VPS13B: variants seen among roughly 807,000 people sequenced by gnomAD.
VPS13B encodes vacuolar protein sorting 13 homolog B, also known as intermembrane lipid transfer protein VPS13B.
Under a neutral mutation model 426.4 loss-of-function variants are expected in VPS13B, and 285 were observed. That is an observed-to-expected ratio of 0.67 (90% CI 0.61 to 0.74). The LOEUF is 0.74. Ranked by LOEUF, VPS13B falls within the 30% of genes least tolerant of loss-of-function variation. The probability of loss-of-function intolerance (pLI) is 0.00; values close to 1 mark genes in which losing one functional copy is unlikely to be tolerated. For synonymous variants in VPS13B, 1,676 were observed against 1,676.4 expected (o/e 1.00, Z 0.01); for missense variants, 4,537 against 4,782.6 (o/e 0.95, Z 1.51).
At chr8:99,396,839 A>G (rs1269817428) in intron 21 of VPS13B, among the ~76,000 whole-genome samples, 2 of 152,200 alleles carry the variant, frequency 1.3e-5, no homozygotes, top group Admixed American at 6.5e-5. Flanking sequence ...TCAAAAGTGA[A>G]ACACTACTGT....
intron 19 of VPS13B, among the ~76,000 whole-genome samples, chr8:99,288,476 C>T (rs2133038830): frequency 6.6e-6 from 1 of 151,944 alleles, no homozygotes; most frequent in East Asian, 1.9e-4. Flanking sequence ...TCTTATATAA[C>T]CTTTAATAAT....
chr8:99,622,064 C>T (rs530892432), intron 33 of VPS13B, among the ~76,000 whole-genome samples: 1 of 151,834 alleles, frequency 6.6e-6, no homozygotes, highest in East Asian at 1.9e-4. Context: ...ACATTCATTC[C>T]ATTTTGTAAG....
At chr8:99,429,077 C>G (rs1563725489) in intron 21 of VPS13B, among the ~76,000 whole-genome samples, 1 of 152,002 alleles carries the variant, frequency 6.6e-6, no homozygotes, top group African/African-American at 2.4e-5. Context: ...GGGAATTGAA[C>G]AATGAGAACA....
intron 12 of VPS13B, among the ~76,000 whole-genome samples, chr8:99,140,169 A>AGCCTGGCCAACATGGTGAAACCC (rs1412512793): frequency 1.7e-4 from 26 of 152,048 alleles, no homozygotes; most frequent in Non-Finnish European, 3.1e-4. Context: ...GTTCGAGACC[A>AGCCTGGCCAACATGGTGAAACCC]GCCTGGCCAA....
chr8:99,214,966 TC>T lies in VPS13B; in HGVS notation c.2515+21910del, dbSNP rs570930142. On this transcript the variant is annotated intron_variant, in intron 17 of 61. Transcript: ENST00000357162. ...ACTCCATATTTCTGCAATGCCCATG[TC>T]TCTCTATTTAATCTATTTATATCAA... 3.6e-3 allele frequency among the ~76,000 whole-genome samples: 547 copies of T among 152,308 alleles called. 4 individuals carry two copies. Among genetic ancestry groups the T allele is most frequent in the South Asian group, 0.013 (62 of 4,830 alleles).
intron 25 of VPS13B, among the ~76,000 whole-genome samples, chr8:99,489,170 G>A (rs1350852336): frequency 6.6e-6 from 1 of 152,038 alleles, no homozygotes; most frequent in South Asian, 2.1e-4. Context: ...TTTTTGTCAG[G>A]TTTGTCAAAG....
intron 44 of VPS13B, among the ~76,000 whole-genome samples, chr8:99,813,647 A>G (rs1813856499): frequency 6.6e-6 from 1 of 152,238 alleles, no homozygotes; most frequent in Non-Finnish European, 1.5e-5. Flanking sequence ...TATGATGGCT[A>G]GAGTATCTAG....
intron 20 of VPS13B, among the ~76,000 whole-genome samples, chr8:99,387,591 C>A (rs1438207495): frequency 6.6e-6 from 1 of 152,052 alleles, no homozygotes. Context: ...TAAAAATATA[C>A]TTTAAAAAAT....
intron 3 of VPS13B, among the ~76,000 whole-genome samples, chr8:99,065,739 T>G (rs1436275522): frequency 1.3e-5 from 2 of 152,316 alleles, no homozygotes; most frequent in South Asian, 4.1e-4. Flanking sequence ...GATGACATGA[T>G]TGTATATTTA....
chr8:99,200,655 T>C (rs1814259715), intron 17 of VPS13B, among the ~76,000 whole-genome samples: 1 of 152,128 alleles, frequency 6.6e-6, no homozygotes. Flanking sequence ...GCTAATGATA[T>C]TGAGTATCTT....
At chr8:99,184,123 C>G (rs1329874772) in intron 16 of VPS13B, among the ~76,000 whole-genome samples, 1 of 152,116 alleles carries the variant, frequency 6.6e-6, no homozygotes, top group East Asian at 1.9e-4. Context: ...TATCCATTCA[C>G]CAGCTGATAG....
At chr8:99,445,354 CCATGGGAGGTTGAGGTGGGAGGATTG>C (rs1301645509) in intron 23 of VPS13B, among the ~76,000 whole-genome samples, 2 of 149,716 alleles carry the variant, frequency 1.3e-5, no homozygotes, top group Non-Finnish European at 3.0e-5. Flanking sequence ...AGTCCTAGCT[CCATGGGAGGTTGAGGTGGGAGGATTG>C]CTGGAGTCCA....
intron 56 of VPS13B, among the ~76,000 whole-genome samples, chr8:99,858,153 C>T (rs112324156): frequency 2.0e-3 from 301 of 152,350 alleles, no homozygotes; most frequent in African/African-American, 7.0e-3. Context: ...TTCCCATTAC[C>T]GGGCTCTGAG....
intron 23 of VPS13B, among the ~76,000 whole-genome samples, chr8:99,452,276 C>G (rs904115089): frequency 3.9e-5 from 6 of 152,186 alleles, no homozygotes; most frequent in African/African-American, 1.4e-4. Flanking sequence ...CTTTCTCCTT[C>G]TCCTCCTTCA....
At chr8:99,179,146 T>C (rs1186777955) in intron 16 of VPS13B, among the ~76,000 whole-genome samples, 1 of 152,202 alleles carries the variant, frequency 6.6e-6, no homozygotes, top group Non-Finnish European at 1.5e-5. Context: ...CCTATCATGT[T>C]AAAACTGTTG....
At chr8:99,467,752 C>A in intron 24 of VPS13B, 118 bp downstream of exon 24, 1 of 1,076,938 alleles carries the variant, frequency 9.3e-7, no homozygotes, top group South Asian at 1.3e-5. Flanking sequence ...TTTAACTTGG[C>A]CATCAAGATC....
intron 17 of VPS13B, among the ~76,000 whole-genome samples, chr8:99,203,906 A>C (rs1244735818): frequency 6.6e-6 from 1 of 152,242 alleles, no homozygotes; most frequent in East Asian, 1.9e-4. Context: ...GATAGGAAGA[A>C]TCAATATCGT....
chr8:99,413,342 G>A (rs932375981), intron 21 of VPS13B, among the ~76,000 whole-genome samples: 4 of 152,106 alleles, frequency 2.6e-5, no homozygotes, highest in Non-Finnish European at 4.4e-5. Context: ...TAGTTTATTT[G>A]CATAGAGGTG....
At chr8:99,820,909 A>G (rs1012413040) in intron 49 of VPS13B, among the ~76,000 whole-genome samples, 5 of 152,026 alleles carry the variant, frequency 3.3e-5, no homozygotes, top group East Asian at 3.8e-4. Flanking sequence ...ATGTTGACCT[A>G]TGTGGACCTA....
Sources: gnomAD v4.1 joint callset for allele counts (sites outside exome capture counted in the v4.1 genomes callset) on GRCh38, gnomAD v4.1.1 for gene constraint, MANE v1.5 for transcripts, NCBI Gene and HGNC (gene_info 2026-07-23, HGNC 2026-07-21) for gene names.